The following GABRB2 variants were observed in gnomAD, a reference collection of about 807,000 sequenced individuals.
The protein encoded by GABRB2 is gamma-aminobutyric acid receptor subunit beta-2.
GABRB2 carries 16 observed loss-of-function variants against 54.7 expected under a neutral mutation model. The ratio of observed to expected loss-of-function variants is 0.29; its 90% CI spans 0.20 to 0.44. The LOEUF is 0.44. GABRB2 is among the 20% of genes least tolerant of loss of function. The pLI, the probability that GABRB2 is intolerant of heterozygous loss-of-function variation, is 1.00. For synonymous variants in GABRB2, 244 were observed against 233.8 expected (o/e 1.04, Z -0.40); for missense variants, 355 against 644.0 (o/e 0.55, Z 4.86).
At chr5:161,546,818 AAT>A, upstream of GABRB2, 2 of 1,328,176 alleles carry the variant, frequency 1.5e-6, no homozygotes, top group East Asian at 2.6e-5. Context: ...AAAAAAAAAA[AAT>A]TAAAAGGGAA....
chr5:161,385,316 T>C (rs987853025), intron 5 of GABRB2, among the ~76,000 whole-genome samples: 1 of 152,208 alleles, frequency 6.6e-6, no homozygotes, highest in Non-Finnish European at 1.5e-5. Context: ...CTCATAAACA[T>C]TTCACCGTGA....
intron 9 of GABRB2, among the ~76,000 whole-genome samples, chr5:161,323,566 G>T (rs1007692861): frequency 2.6e-5 from 4 of 152,058 alleles, no homozygotes; most frequent in African/African-American, 9.7e-5. Flanking sequence ...CTGCATCTTT[G>T]CAGAGCCTCA....
intron 8 of GABRB2, among the ~76,000 whole-genome samples, chr5:161,328,405 C>T (rs1753716969): frequency 6.6e-6 from 1 of 152,044 alleles, no homozygotes; most frequent in Admixed American, 6.6e-5. Context: ...CTATATTACC[C>T]TCTTTGCACA....
intron 7 of GABRB2, among the ~76,000 whole-genome samples, chr5:161,331,388 G>A (rs1753835135): frequency 6.6e-6 from 1 of 152,078 alleles, no homozygotes; most frequent in Non-Finnish European, 1.5e-5. Flanking sequence ...GGGTTAAAAC[G>A]TGAATTAAAT....
chr5:161,414,034 C>T (rs1756593167), intron 4 of GABRB2, among the ~76,000 whole-genome samples: 1 of 152,164 alleles, frequency 6.6e-6, no homozygotes, highest in African/African-American at 2.4e-5. Context: ...GTGTTTTCCT[C>T]ACAAACACAT....
chr5:161,469,502 T>TA (rs1211585667), intron 3 of GABRB2, among the ~76,000 whole-genome samples: 1 of 87,894 alleles, frequency 1.1e-5, no homozygotes, highest in Admixed American at 1.4e-4. Flanking sequence ...TGTTTCCTCT[T>TA]AAAAACCAAA....
intron 3 of GABRB2, among the ~76,000 whole-genome samples, chr5:161,488,418 T>A (rs1464379071): frequency 6.6e-6 from 1 of 151,736 alleles, no homozygotes; most frequent in African/African-American, 2.4e-5. Context: ...GTCTTTAGTC[T>A]TCTTTACCTA....
At chr5:161,445,718 A>G (rs1335786350) in intron 4 of GABRB2, among the ~76,000 whole-genome samples, 1 of 152,102 alleles carries the variant, frequency 6.6e-6, no homozygotes, top group Non-Finnish European at 1.5e-5. Flanking sequence ...CTTTCAACCA[A>G]TTGCCAATCC....
intron 5 of GABRB2, among the ~76,000 whole-genome samples, chr5:161,358,615 G>A (rs1444775543): frequency 3.9e-5 from 6 of 152,330 alleles, no homozygotes; most frequent in African/African-American, 1.4e-4. Flanking sequence ...ATTATATTTA[G>A]ATGGAAGCAT....
At chr5:161,503,814 A>G (rs1157580808) in intron 3 of GABRB2, among the ~76,000 whole-genome samples, 1 of 152,136 alleles carries the variant, frequency 6.6e-6, no homozygotes, top group African/African-American at 2.4e-5. Context: ...TTTGCCCTTC[A>G]TAAGAGAGGC....
chr5:161,292,945 C>T lies in GABRB2; in HGVS notation c.*1136G>A, dbSNP rs1474255721. Reference sequence around the variant, plus strand: ...ACCATGAATCCTTTAAAGTGATGAACAAATCCTTCTCTTGAAATACTCTAT... The same window carrying T: ...ACCATGAATCCTTTAAAGTGATGAATAAATCCTTCTCTTGAAATACTCTAT... On this transcript the variant is annotated 3_prime_UTR_variant, in exon 10 of 10. Transcript: ENST00000393959. 6.6e-6 allele frequency: 1 copy of T among 152,014 alleles called. No individual in the cohort carries two copies. Among genetic ancestry groups the T allele is most frequent in the Admixed American group, 6.6e-5 (1 of 15,260 alleles). The allele number at this position is 152,014 out of a possible 1,614,324, so 9.4% of individuals were successfully genotyped here.
chr5:161,341,094 T>G (rs907422476), intron 5 of GABRB2, among the ~76,000 whole-genome samples: 1 of 152,010 alleles, frequency 6.6e-6, no homozygotes, highest in Non-Finnish European at 1.5e-5. Context: ...AGCAACGAGC[T>G]CCATGACAGT....
rs1314037880 is a variant in GABRB2 at position 161,334,414 on chromosome 5, G to A, written c.832+338C>T. Among the ~76,000 whole-genome samples, 3 of 152,172 alleles carry A rather than the reference G, an allele frequency of 2.0e-5. No homozygotes were observed. In the East Asian group the frequency reaches 5.8e-4, roughly 29 times the overall value. On this transcript the variant is annotated intron_variant, in intron 7 of 9. Coordinates refer to ENST00000393959, the MANE Select transcript of GABRB2 (RefSeq NM_001371727.1). ...TTTCATGGAGAAAAAAACGTAGAAG[G>A]GAGGTCTTCTTAGGTAAAGAAGCAC... is the stretch of plus-strand genomic sequence containing the variant.
At chr5:161,348,721 G>T (rs1440654383) in intron 5 of GABRB2, among the ~76,000 whole-genome samples, 1 of 152,016 alleles carries the variant, frequency 6.6e-6, no homozygotes, top group Non-Finnish European at 1.5e-5. Flanking sequence ...TAGCCAACTT[G>T]TCTTCCTCTG....
At chr5:161,345,334 A>C (rs1754290873) in intron 5 of GABRB2, among the ~76,000 whole-genome samples, 2 of 152,090 alleles carry the variant, frequency 1.3e-5, no homozygotes, top group African/African-American at 4.8e-5. Flanking sequence ...AAAAAAACAA[A>C]AACATAGAAA....
At chr5:161,511,134 A>T (rs1444294577) in intron 3 of GABRB2, among the ~76,000 whole-genome samples, 1 of 151,994 alleles carries the variant, frequency 6.6e-6, no homozygotes, top group Non-Finnish European at 1.5e-5. Flanking sequence ...TTATAGGGGT[A>T]CTTTCTCAAA....
At chr5:161,495,121 A>G (rs1469054844) in intron 3 of GABRB2, among the ~76,000 whole-genome samples, 1 of 151,970 alleles carries the variant, frequency 6.6e-6, no homozygotes, top group Non-Finnish European at 1.5e-5. Context: ...TCCCAAAGTT[A>G]TAATCTTCAT....
Position 161,334,881 on chromosome 5 carries a change from T to G in GABRB2, c.703A>C (p.Ser235Arg). ...CCAATGTTTCTCTTAAGCTTAAAGC[T>G]GAGGGATAACCTGGGATAGGAACCT... ...STGSYPRLSL[S>R]FKLKRNIGYF... Residue 235 changes from serine (S) to arginine (R), a missense_variant, in exon 7 of 10, where the codon AGC (serine) becomes CGC (arginine). This residue lies in a region of GABRB2 where 25 missense variants were observed against 137.4 expected (regional missense o/e 0.18). Transcript: ENST00000393959. 1 of 1,613,880 alleles carries G rather than the reference T, an allele frequency of 6.2e-7. No individual in the cohort carries two copies. The highest frequency in any genetic ancestry group is 2.2e-5 in the East Asian group (1 of 44,884).
intron 4 of GABRB2, among the ~76,000 whole-genome samples, chr5:161,424,050 A>T (rs1308116951): frequency 6.6e-6 from 1 of 152,162 alleles, no homozygotes; most frequent in Non-Finnish European, 1.5e-5. Context: ...CATGAAGGCT[A>T]TGAGAGGTGA....
Sources: allele counts gnomAD v4.1 joint callset (sites outside exome capture counted in the v4.1 genomes callset), GRCh38; gene constraint gnomAD v4.1.1; regional missense constraint gnomAD v4.1.1; transcripts MANE v1.5; gene names NCBI Gene and HGNC (gene_info 2026-07-23, HGNC 2026-07-21).